POU6F2: variants seen among roughly 807,000 people sequenced by gnomAD.
The protein encoded by POU6F2 is POU class 6 homeobox 2.
POU6F2 carries 31 observed loss-of-function variants against 71.3 expected under a neutral mutation model. The ratio of observed to expected loss-of-function variants is 0.43; its 90% CI spans 0.33 to 0.59. POU6F2 has a LOEUF of 0.59. POU6F2 is among the 20% of genes least tolerant of loss of function. The pLI is 0.04. For synonymous variants in POU6F2, 347 were observed against 355.7 expected (o/e 0.98, Z 0.27); for missense variants, 783 against 856.8 (o/e 0.91, Z 1.07).
At chr7:39,130,356 T>G (rs140308725) in intron 2 of POU6F2, among the ~76,000 whole-genome samples, 1 of 152,274 alleles carries the variant, frequency 6.6e-6, no homozygotes, top group African/African-American at 2.4e-5. Flanking sequence ...CTTAAGGATT[T>G]CAACTCTTTA....
chr7:39,461,260 C>T lies in POU6F2; in HGVS notation c.1658+545C>T, dbSNP rs145404171. Among the ~76,000 whole-genome samples the T allele has an allele frequency of 4.5e-3, 679 of 152,278 alleles. 8 individuals carry two copies. Among genetic ancestry groups the T allele is most frequent in the African/African-American group, 0.015 (641 of 41,552 alleles). ...AAAAATAAAAGAAAAGAAGCGGTGG[C>T]TGCTTTAAATGGCTCAGAAAAGGGT... On this transcript the variant is annotated intron_variant, in intron 9 of 9. Transcript: ENST00000518318.
At chr7:39,206,263 G>T (rs1341878725) in intron 3 of POU6F2, among the ~76,000 whole-genome samples, 1 of 152,178 alleles carries the variant, frequency 6.6e-6, no homozygotes, top group East Asian at 1.9e-4. Flanking sequence ...AATGACTCTT[G>T]TGGTCATCTG....
intron 2 of POU6F2, among the ~76,000 whole-genome samples, chr7:39,091,394 A>G (rs1256259826): frequency 1.3e-5 from 2 of 152,212 alleles, no homozygotes; most frequent in Non-Finnish European, 2.9e-5. Context: ...AGGATACTCC[A>G]TGGTAGCACA....
At chr7:39,001,771 G>A (rs928833329) in intron 1 of POU6F2, among the ~76,000 whole-genome samples, 3 of 152,024 alleles carry the variant, frequency 2.0e-5, no homozygotes, top group Non-Finnish European at 2.9e-5. Flanking sequence ...GTTATGTGAT[G>A]GTGATAGTGA....
chr7:39,150,225 C>CTGTGTGTGTGTGTGTGTGTGTGTG (rs60761447), intron 2 of POU6F2, among the ~76,000 whole-genome samples: 56 of 141,244 alleles, frequency 4.0e-4, no homozygotes, highest in African/African-American at 1.3e-3. Flanking sequence ...AGTAATATGT[C>CTGTGTGTGTGTGTGTGTGTGTGTG]TGTGTGTGTG....
intron 5 of POU6F2, among the ~76,000 whole-genome samples, chr7:39,380,657 T>C (rs1456715328): frequency 6.6e-6 from 1 of 152,228 alleles, no homozygotes; most frequent in East Asian, 1.9e-4. Flanking sequence ...CTATTTTGTA[T>C]TATTATATTA....
intron 8 of POU6F2, among the ~76,000 whole-genome samples, chr7:39,454,137 G>C (rs888581690): frequency 6.6e-6 from 1 of 152,164 alleles, no homozygotes; most frequent in Admixed American, 6.5e-5. Context: ...TAAAGGATAT[G>C]ATAAAGAATA....
intron 2 of POU6F2, among the ~76,000 whole-genome samples, chr7:39,174,883 C>G (rs1793297775): frequency 6.6e-6 from 1 of 152,176 alleles, no homozygotes; most frequent in Non-Finnish European, 1.5e-5. Context: ...CTCCTCAAGC[C>G]CCTGTGATCT....
intron 1 of POU6F2, among the ~76,000 whole-genome samples, chr7:39,017,587 T>C (rs1789586597): frequency 6.6e-6 from 1 of 152,084 alleles, no homozygotes; most frequent in Non-Finnish European, 1.5e-5. Context: ...TAGAGCTGCT[T>C]CTAAGTGAAC....
intron 6 of POU6F2, among the ~76,000 whole-genome samples, chr7:39,412,967 A>AT (rs957943055): frequency 1.5e-4 from 22 of 148,044 alleles, no homozygotes; most frequent in Admixed American, 7.4e-4. Flanking sequence ...CGCCTGGCTA[A>AT]TTTTTTTTTG....
Position 39,162,493 on chromosome 7 carries a change from A to G in POU6F2, c.278-41742A>G, listed in dbSNP as rs147611708. On this transcript the variant is annotated intron_variant, in intron 2 of 9. Transcript: ENST00000518318. ...GTCTTAACTTAAATTTCATTCACAC[A>G]GTGAGGTTTTGTTGTACCTGAATTT... Among the ~76,000 whole-genome samples the G allele has an allele frequency of 2.2e-3, 331 of 152,308 alleles. 1 individual carries two copies. Among genetic ancestry groups the G allele is most frequent in the African/African-American group, 7.5e-3 (310 of 41,572 alleles).
chr7:39,457,564 C>A (rs1246384492), intron 8 of POU6F2, among the ~76,000 whole-genome samples: 1 of 152,104 alleles, frequency 6.6e-6, no homozygotes, highest in Non-Finnish European at 1.5e-5. Context: ...GGTAAAGGAT[C>A]AGTAAAGACA....
chr7:39,438,846 G>A (rs1788317180), intron 7 of POU6F2, among the ~76,000 whole-genome samples: 1 of 152,200 alleles, frequency 6.6e-6, no homozygotes, highest in Admixed American at 6.5e-5. Flanking sequence ...GATTTGGGGT[G>A]GAGAGTTCTG....
At chr7:39,024,515 T>G (rs1051239195) in intron 1 of POU6F2, among the ~76,000 whole-genome samples, 4 of 152,122 alleles carry the variant, frequency 2.6e-5, no homozygotes, top group Non-Finnish European at 5.9e-5. Context: ...CCTGCCTAAT[T>G]GCCCTGGCCA....
chr7:39,001,484 TG>T (rs1302987482), intron 1 of POU6F2, among the ~76,000 whole-genome samples: 1 of 152,184 alleles, frequency 6.6e-6, no homozygotes, highest in Non-Finnish European at 1.5e-5. Context: ...TCTCAATTTG[TG>T]GTATGCACCA....
rs56907116 is a variant in POU6F2 at position 39,090,951 on chromosome 7, G to GA, written c.277+4930dup. On this transcript the variant is annotated intron_variant, in intron 2 of 9. Transcript: ENST00000518318. ...TTGTCATGCTGCTGACTACTTGAGT[G>GA]AAAAAAAAAATGCACATTTGGATAC... Among the ~76,000 whole-genome samples, 32 of 148,744 alleles carry GA rather than the reference G, an allele frequency of 2.2e-4. 1 individual carries two copies. The highest frequency in any genetic ancestry group is 8.5e-4 in the South Asian group (4 of 4,716).
chr7:39,195,964 A>C (rs939198897), intron 2 of POU6F2, among the ~76,000 whole-genome samples: 2 of 152,184 alleles, frequency 1.3e-5, no homozygotes, highest in African/African-American at 2.4e-5. Context: ...CCACAATTTC[A>C]AAGATTATTT....
At chr7:39,364,528 A>C (rs546240487) in intron 5 of POU6F2, among the ~76,000 whole-genome samples, 1 of 152,208 alleles carries the variant, frequency 6.6e-6, no homozygotes, top group African/African-American at 2.4e-5. Flanking sequence ...TTGCTTTTCC[A>C]TTCCTGAGTT....
At chr7:39,230,585 T>C (rs73378985) in intron 4 of POU6F2, among the ~76,000 whole-genome samples, 4,496 of 152,198 alleles carry the variant, frequency 0.03, 142 homozygotes, top group African/African-American at 0.082. Context: ...GATGAATTGA[T>C]TAACTGGAAC....
Sources: allele counts gnomAD v4.1 joint callset (sites outside exome capture counted in the v4.1 genomes callset), GRCh38; gene constraint gnomAD v4.1.1; transcripts MANE v1.5; gene names NCBI Gene and HGNC (gene_info 2026-07-23, HGNC 2026-07-21).